CPOX: variants seen among roughly 807,000 people sequenced by gnomAD.
CPOX encodes the protein oxygen-dependent coproporphyrinogen-III oxidase, mitochondrial.
Under a neutral mutation model 48.9 loss-of-function variants are expected in CPOX, and 24 were observed. The ratio of observed to expected loss-of-function variants is 0.49; its 90% confidence interval spans 0.36 to 0.69. The LOEUF is 0.69. Among genes scored for constraint, CPOX ranks in the 30% least tolerant of loss-of-function variants. The probability of loss-of-function intolerance (pLI) is 0.00; values close to 1 mark genes in which losing one functional copy is unlikely to be tolerated. For missense variants in CPOX, 549 were observed against 597.3 expected (o/e 0.92, Z 0.84); for synonymous variants, 249 against 234.6 (o/e 1.06, Z -0.56).
At chr3:98,582,648 T>A (rs556958158) in intron 5 of CPOX, among the ~76,000 whole-genome samples, 1 of 152,170 alleles carries the variant, frequency 6.6e-6, no homozygotes, top group African/African-American at 2.4e-5. Flanking sequence ...CCCGCCACCA[T>A]GACTGGCTAA....
At chr3:98,573,749 G>A in the CPOX span, among the ~76,000 whole-genome samples, 5 of 152,244 alleles carry the variant, frequency 3.3e-5, no homozygotes, top group South Asian at 1.0e-3. Context: ...TATAAACTAG[G>A]ATCATTTTTA....
chr3:98,571,978 G>T, the CPOX span, among the ~76,000 whole-genome samples: 1 of 152,140 alleles, frequency 6.6e-6, no homozygotes, highest in Non-Finnish European at 1.5e-5. Flanking sequence ...ATTTAGAAAA[G>T]AATTTTGTCA....
At chr3:98,585,367 A>G in intron 5 of CPOX, 74 bp downstream of exon 5, 1 of 1,160,924 alleles carries the variant, frequency 8.6e-7, no homozygotes, top group South Asian at 1.2e-5. Context: ...CTGACAACAC[A>G]ACACCCGCTA....
chr3:98,585,697 G>C, intron 4 of CPOX, 38 bp from the exon 5 acceptor site: 1 of 1,483,058 alleles, frequency 6.7e-7, no homozygotes. Flanking sequence ...GGATCAAATG[G>C]AAAAAAACAG....
At chr3:98,577,544 G>A (rs1478080972), downstream of CPOX, among the ~76,000 whole-genome samples, 1 of 152,164 alleles carries the variant, frequency 6.6e-6, no homozygotes, top group African/African-American at 2.4e-5. Context: ...TCTATTTCGT[G>A]GTTTTGAGTG....
intron 5 of CPOX, among the ~76,000 whole-genome samples, chr3:98,582,775 G>A (rs377623693): frequency 6.6e-6 from 1 of 152,180 alleles, no homozygotes; most frequent in African/African-American, 2.4e-5. Context: ...ACAGGCGTGA[G>A]CCACCACGCC....
chr3:98,579,235 G>A (rs2178322), downstream of CPOX, among the ~76,000 whole-genome samples: 4 of 151,932 alleles, frequency 2.6e-5, no homozygotes, highest in African/African-American at 9.7e-5. Context: ...AAACATGTGC[G>A]AATTGACTAT....
At chr3:98,581,662 A>G (rs7651792) in intron 5 of CPOX, 151 bp from the exon 6 acceptor site, 2 of 646,488 alleles carry the variant, frequency 3.1e-6, no homozygotes, top group Non-Finnish European at 5.6e-6. Flanking sequence ...GCCCATTGAG[A>G]GCTCTCCATC....
chr3:98,583,083 GTT>G (rs779124869), intron 5 of CPOX, among the ~76,000 whole-genome samples: 1 of 152,230 alleles, frequency 6.6e-6, no homozygotes. Context: ...TGGTTCTCTA[GTT>G]TATATTGATG....
At chr3:98,578,723 CATA>C (rs1204416058), downstream of CPOX, among the ~76,000 whole-genome samples, 4 of 152,302 alleles carry the variant, frequency 2.6e-5, no homozygotes, top group African/African-American at 4.8e-5. Context: ...TTTCACTTGG[CATA>C]ATGTTTCTGA....
rs746194537 is a variant in CPOX at position 98,593,210 on chromosome 3, C to T, written c.295G>A (p.Ala99Thr). 9 of 1,589,488 alleles carry T rather than the reference C, an allele frequency of 5.7e-6. No individual in the cohort carries two copies. The highest frequency in any genetic ancestry group is 4.5e-5 in the South Asian group (4 of 88,302). Residue 99 changes from alanine (A) to threonine (T), a missense_variant, in exon 1 of 7, where the codon GCG becomes ACG. Coordinates refer to ENST00000647941, the MANE Select transcript of CPOX (RefSeq NM_000097.7). ...ATAAFGHVQR[A>T]EMLPKTSGTR... Reference sequence around the variant, plus strand: ...CCCGAGGTCTTAGGCAACATCTCCGCCCGCTGCACATGCCCGAAGGCGGCG... The same window carrying T: ...CCCGAGGTCTTAGGCAACATCTCCGTCCGCTGCACATGCCCGAAGGCGGCG...
chr3:98,575,629 T>TA (rs1266263314), downstream of CPOX, among the ~76,000 whole-genome samples: 3 of 148,968 alleles, frequency 2.0e-5, no homozygotes, highest in South Asian at 2.1e-4. Flanking sequence ...TTGTCTCTAC[T>TA]AAAAAAATAC....
chr3:98,592,389 C>T (rs1447143716), intron 1 of CPOX, among the ~76,000 whole-genome samples: 6 of 152,074 alleles, frequency 3.9e-5, no homozygotes, highest in Non-Finnish European at 8.8e-5. Context: ...AGAAGATTTT[C>T]CTAGCAGGAA....
At chr3:98,584,890 C>T (rs553760940) in intron 5 of CPOX, among the ~76,000 whole-genome samples, 2 of 152,196 alleles carry the variant, frequency 1.3e-5, no homozygotes, top group Non-Finnish European at 2.9e-5. Context: ...TCATTTTGAC[C>T]CAGTTCCACA....
At chr3:98,589,835 C>T (rs1322108535) in intron 3 of CPOX, 1 of 152,660 alleles carries the variant, frequency 6.6e-6, no homozygotes, top group African/African-American at 2.4e-5. Flanking sequence ...TGTGGCACTG[C>T]ACATGTACTC....
intron 5 of CPOX, among the ~76,000 whole-genome samples, chr3:98,582,745 C>T (rs991291714): frequency 6.6e-6 from 1 of 152,140 alleles, no homozygotes; most frequent in Admixed American, 6.5e-5. Flanking sequence ...CCCGCCTCGG[C>T]CTCCCAAAGT....
At chr3:98,578,117 C>T (rs1707189206), downstream of CPOX, 1 of 258,530 alleles carries the variant, frequency 3.9e-6, no homozygotes, top group Non-Finnish European at 6.0e-6. Context: ...TCTGGAGGTG[C>T]ACTGTGGTCT....
At chr3:98,581,643 C>T in intron 5 of CPOX, 132 bp from the exon 6 acceptor site, 1 of 681,266 alleles carries the variant, frequency 1.5e-6, no homozygotes, top group South Asian at 1.6e-5. Flanking sequence ...CAGAGGACAC[C>T]AGCCTACAGC....
chr3:98,580,282 GAAAAT>G lies in CPOX; in HGVS notation c.*396_*400del. On this transcript the variant is annotated 3_prime_UTR_variant, in exon 7 of 7. Coordinates refer to ENST00000647941, the MANE Select transcript of CPOX (RefSeq NM_000097.7). ...GAAGTCTCAACTTCACTGAATTAAT[GAAAAT>G]AAAATATATTCCACGACAGATTTTT... 2.0e-6 allele frequency: 2 copies of G among 1,002,686 alleles called. No homozygotes were observed. The highest frequency in any genetic ancestry group is 2.4e-6 in the Non-Finnish European group (2 of 840,162). The allele number at this position is 1,002,686 out of a possible 1,614,324, so 62.1% of individuals were successfully genotyped here.
Sources: gnomAD v4.1 joint callset for allele counts (sites outside exome capture counted in the v4.1 genomes callset) on GRCh38, gnomAD v4.1.1 for gene constraint, MANE v1.5 for transcripts, NCBI Gene and HGNC (gene_info 2026-07-23, HGNC 2026-07-21) for gene names.